The following CDYL variants were observed in gnomAD, a reference collection of about 807,000 sequenced individuals.
CDYL encodes the protein chromodomain Y-like protein.
In CDYL, 8 loss-of-function variants were observed where a neutral mutation model predicts 47.3. The ratio of observed to expected loss-of-function variants is 0.17; its 90% CI spans 0.10 to 0.31. The LOEUF is 0.31. Among genes scored for constraint, CDYL ranks in the 10% least tolerant of loss-of-function variants. CDYL has a pLI of 1.00. For synonymous variants in CDYL, 266 were observed against 265.0 expected (o/e 1.00, Z -0.04); for missense variants, 471 against 701.4 (o/e 0.67, Z 3.71).
At chr6:4,892,608 A>C (rs1156939793) in intron 2 of CDYL, among the ~76,000 whole-genome samples, 1 of 151,166 alleles carries the variant, frequency 6.6e-6, no homozygotes. Flanking sequence ...GTGCTACCAC[A>C]CTGACTTGCT....
chr6:4,836,651 C>T lies in CDYL; in HGVS notation c.25-55062C>T, dbSNP rs186250554. ...ATTACAGCCTTATTTCTATGCTGAC[C>T]ACCATGCAGCAAGGAAAAATGTGCA... On this transcript the variant is annotated intron_variant, in intron 1 of 6. Coordinates refer to ENST00000397588, the MANE Select transcript of CDYL (RefSeq NM_004824.4). Among the ~76,000 whole-genome samples the T allele has an allele frequency of 2.8e-4, 43 of 152,214 alleles. 1 individual carries two copies. Among genetic ancestry groups the T allele is most frequent in the Admixed American group, 2.6e-3 (39 of 15,292 alleles).
At chr6:4,869,742 C>A (rs923712909) in intron 1 of CDYL, among the ~76,000 whole-genome samples, 1 of 152,168 alleles carries the variant, frequency 6.6e-6, no homozygotes, top group African/African-American at 2.4e-5. Flanking sequence ...TCTCCTCCCC[C>A]CTCCTTTTTG....
intron 1 of CDYL, among the ~76,000 whole-genome samples, chr6:4,795,152 T>A (rs1482538856): frequency 6.7e-6 from 1 of 149,612 alleles, no homozygotes; most frequent in African/African-American, 2.5e-5. Flanking sequence ...ATGCTCTTTT[T>A]TAAAAAAAAA....
At chr6:4,952,004 T>C (rs1758718825) in intron 5 of CDYL, among the ~76,000 whole-genome samples, 1 of 152,130 alleles carries the variant, frequency 6.6e-6, no homozygotes, top group Admixed American at 6.5e-5. Flanking sequence ...TCCCTGTAAT[T>C]CTGTAGTAGG....
At chr6:4,722,882 A>G (rs559822054) in intron 2 of CDYL, among the ~76,000 whole-genome samples, 3 of 152,198 alleles carry the variant, frequency 2.0e-5, no homozygotes, top group Non-Finnish European at 2.9e-5. Context: ...TGTCTCAAAA[A>G]ATAAAATAAA....
At chr6:4,836,880 A>C (rs1485901927) in intron 1 of CDYL, among the ~76,000 whole-genome samples, 1 of 152,166 alleles carries the variant, frequency 6.6e-6, no homozygotes, top group Non-Finnish European at 1.5e-5. Context: ...AATTGGGGAT[A>C]CAGAAGTTTG....
At chr6:4,716,614 G>C (rs1476390298) in intron 2 of CDYL, among the ~76,000 whole-genome samples, 2 of 41,292 alleles carry the variant, frequency 4.8e-5, no homozygotes, top group South Asian at 5.1e-4. Context: ...TTTTTTTTTT[G>C]CCTCATCTTC....
At chr6:4,903,677 G>T (rs529137934) in intron 2 of CDYL, among the ~76,000 whole-genome samples, 2 of 152,082 alleles carry the variant, frequency 1.3e-5, no homozygotes, top group Non-Finnish European at 2.9e-5. Flanking sequence ...CCCCTCTCCC[G>T]CTTTGTGTGC....
chr6:4,740,097 G>T (rs184013448), intron 3 of CDYL, among the ~76,000 whole-genome samples: 1 of 152,164 alleles, frequency 6.6e-6, no homozygotes, highest in Non-Finnish European at 1.5e-5. Context: ...GTGAAATTAC[G>T]AAGGAGAGTG....
intron 1 of CDYL, among the ~76,000 whole-genome samples, chr6:4,808,421 A>G (rs988426160): frequency 6.6e-6 from 1 of 152,172 alleles, no homozygotes; most frequent in African/African-American, 2.4e-5. Flanking sequence ...TGAGAAATCC[A>G]TACTCCGCTG....
chr6:4,769,748 C>G (rs1365809082), intron 3 of CDYL, among the ~76,000 whole-genome samples: 1 of 152,136 alleles, frequency 6.6e-6, no homozygotes, highest in Non-Finnish European at 1.5e-5. Context: ...TCAACAGCTT[C>G]CTGCCATTTT....
intron 3 of CDYL, among the ~76,000 whole-genome samples, chr6:4,755,217 T>C (rs1050876209): frequency 3.4e-5 from 5 of 149,048 alleles, no homozygotes; most frequent in African/African-American, 1.3e-4. Context: ...CCCGCCACCA[T>C]GCCCACCTAA....
intron 1 of CDYL, among the ~76,000 whole-genome samples, chr6:4,854,883 G>A (rs1466580173): frequency 6.6e-6 from 1 of 152,204 alleles, no homozygotes; most frequent in Non-Finnish European, 1.5e-5. Flanking sequence ...TAAGATTAAA[G>A]GAAGAAGTCT....
intron 5 of CDYL, among the ~76,000 whole-genome samples, chr6:4,945,265 G>A (rs1758477469): frequency 6.6e-6 from 1 of 152,202 alleles, no homozygotes; most frequent in African/African-American, 2.4e-5. Flanking sequence ...AGAGCTGCCT[G>A]AAGGTTTATG....
intron 3 of CDYL, among the ~76,000 whole-genome samples, chr6:4,754,983 CTCTT>C (rs1225201626): frequency 1.3e-5 from 2 of 151,744 alleles, no homozygotes; most frequent in Non-Finnish European, 2.9e-5. Context: ...ATATTGCATC[CTCTT>C]TCTTTTAGTT....
chr6:4,884,488 G>A (rs912986646), intron 1 of CDYL, among the ~76,000 whole-genome samples: 7 of 152,200 alleles, frequency 4.6e-5, no homozygotes, highest in Admixed American at 1.3e-4. Flanking sequence ...GACAGAAGCC[G>A]AGACAGTATA....
chr6:4,781,641 A>G (rs1758621628), intron 1 of CDYL, among the ~76,000 whole-genome samples: 1 of 152,160 alleles, frequency 6.6e-6, no homozygotes, highest in Non-Finnish European at 1.5e-5. Context: ...CCTGTGTACC[A>G]GAATAGCGTT....
At chr6:4,893,578 G>A (rs1254629536) in intron 2 of CDYL, among the ~76,000 whole-genome samples, 1 of 151,992 alleles carries the variant, frequency 6.6e-6, no homozygotes, top group East Asian at 1.9e-4. Flanking sequence ...CTGTAATCCC[G>A]GCTGCTCAGG....
intron 1 of CDYL, among the ~76,000 whole-genome samples, chr6:4,818,315 G>A (rs1759730617): frequency 6.6e-6 from 1 of 152,084 alleles, no homozygotes; most frequent in East Asian, 1.9e-4. Flanking sequence ...AGGAGTGTGG[G>A]CAATATAAAT....
Sources: allele counts gnomAD v4.1 joint callset (sites outside exome capture counted in the v4.1 genomes callset), GRCh38; gene constraint gnomAD v4.1.1; transcripts MANE v1.5; gene names NCBI Gene and HGNC (gene_info 2026-07-23, HGNC 2026-07-21).